Variants in NCKAP5 observed in about 807,000 individuals in gnomAD.
The protein encoded by NCKAP5 is NCK associated protein 5, also known as nck-associated protein 5.
In NCKAP5, 92 loss-of-function variants were observed where a neutral mutation model predicts 167.0. That is an observed-to-expected ratio of 0.55 (90% confidence interval 0.47 to 0.66). The LOEUF is 0.66. Ranked by LOEUF, NCKAP5 falls within the 30% of genes least tolerant of loss-of-function variation. The probability of loss-of-function intolerance (pLI) is 0.00; values close to 1 mark genes in which losing one functional copy is unlikely to be tolerated. For missense variants in NCKAP5, 2,378 were observed against 2,315.0 expected, an observed-to-expected ratio of 1.03 and a Z score of -0.56; for synonymous variants, 891 against 877.4, an observed-to-expected ratio of 1.02 and a Z score of -0.27.
chr2:133,565,286 G>T (rs1432305956), intron 1 of NCKAP5, among the ~76,000 whole-genome samples: 1 of 152,200 alleles, frequency 6.6e-6, no homozygotes, highest in African/African-American at 2.4e-5. Context: ...TCATGATTCA[G>T]TAAGTCTGGG....
chr2:133,136,965 T>C (rs937984507), intron 5 of NCKAP5, among the ~76,000 whole-genome samples: 1 of 152,210 alleles, frequency 6.6e-6, no homozygotes, highest in African/African-American at 2.4e-5. Flanking sequence ...CTGTGTTTTT[T>C]CTTCAGAAGT....
At chr2:133,411,952 T>C (rs1021762786) in intron 3 of NCKAP5, among the ~76,000 whole-genome samples, 1 of 152,206 alleles carries the variant, frequency 6.6e-6, no homozygotes, top group Non-Finnish European at 1.5e-5. Flanking sequence ...GGCTTCAAAC[T>C]AAGCTTCACT....
At chr2:133,033,110 T>TA (rs2149430332) in intron 6 of NCKAP5, among the ~76,000 whole-genome samples, 1 of 152,334 alleles carries the variant, frequency 6.6e-6, no homozygotes, top group African/African-American at 2.4e-5. Context: ...TGGTGGCCAC[T>TA]GAGGTGTGCT....
At chr2:132,934,199 C>A (rs150390767) in intron 8 of NCKAP5, among the ~76,000 whole-genome samples, 2 of 152,150 alleles carry the variant, frequency 1.3e-5, no homozygotes, top group African/African-American at 4.8e-5. Flanking sequence ...AAAATAGATA[C>A]GTGTGCAGCC....
intron 7 of NCKAP5, among the ~76,000 whole-genome samples, chr2:132,969,268 C>G (rs893038609): frequency 6.6e-6 from 1 of 152,080 alleles, no homozygotes; most frequent in Non-Finnish European, 1.5e-5. Context: ...TAACTCCTGA[C>G]CTCAGGTAAT....
chr2:133,567,147 C>T (rs1461283458), intron 1 of NCKAP5, among the ~76,000 whole-genome samples: 1 of 152,210 alleles, frequency 6.6e-6, no homozygotes, highest in Admixed American at 6.5e-5. Context: ...TCTTGCCAAT[C>T]CGTGCAGCGG....
intron 11 of NCKAP5, among the ~76,000 whole-genome samples, chr2:132,834,322 G>A (rs978413943): frequency 5.3e-5 from 8 of 151,946 alleles, no homozygotes; most frequent in Non-Finnish European, 7.4e-5. Flanking sequence ...TCAGCCTCCC[G>A]AGTAATTTTT....
rs751025050 is a variant in NCKAP5, at chr2:133,518,344, A to ATTTTTTTTTTTTTTTT, written c.-61-773_-61-758dup. Reference sequence around the variant, plus strand: ...TAAAAGAAATGGGTTACAGTAAAGGATTTTTTTTTTTTTTTTTTTTTTTTT... The same window carrying ATTTTTTTTTTTTTTTT: ...TAAAAGAAATGGGTTACAGTAAAGGATTTTTTTTTTTTTTTTTTTTTTTTTTTTTTTTTTTTTTTTT... On this transcript the variant is annotated intron_variant, in intron 2 of 19. Transcript: ENST00000409261. Among the ~76,000 whole-genome samples, 5 of 74,616 alleles carry ATTTTTTTTTTTTTTTT rather than the reference A, an allele frequency of 6.7e-5. 2 individuals are homozygous for ATTTTTTTTTTTTTTTT. Among genetic ancestry groups the ATTTTTTTTTTTTTTTT allele is most frequent in the African/African-American group, 2.4e-4 (5 of 20,910 alleles). 49.0% of individuals were successfully genotyped at this position (74,616 alleles called of 152,430 possible).
chr2:133,308,079 ATTTT>A (rs60111877), intron 3 of NCKAP5, among the ~76,000 whole-genome samples: 143 of 89,386 alleles, frequency 1.6e-3, no homozygotes, highest in Non-Finnish European at 1.9e-3. Context: ...TTATTGTTCT[ATTTT>A]TTTTTTTTTT....
intron 6 of NCKAP5, among the ~76,000 whole-genome samples, chr2:133,115,927 A>C (rs1354836518): frequency 6.6e-6 from 1 of 150,960 alleles, no homozygotes; most frequent in Admixed American, 6.6e-5. Flanking sequence ...CAAGATTGAA[A>C]TATTGAAAAT....
chr2:132,726,417 T>C (rs993755403), intron 18 of NCKAP5, among the ~76,000 whole-genome samples: 1 of 152,232 alleles, frequency 6.6e-6, no homozygotes, highest in Admixed American at 6.5e-5. Context: ...AATGATGCTG[T>C]ATTCAGAAAT....
intron 8 of NCKAP5, among the ~76,000 whole-genome samples, chr2:132,919,751 G>T (rs1036206896): frequency 6.6e-6 from 1 of 152,100 alleles, no homozygotes; most frequent in African/African-American, 2.4e-5. Flanking sequence ...ATCTCTAGAA[G>T]ATGACATCTA....
At chr2:132,985,606 G>T (rs1374355297) in intron 7 of NCKAP5, among the ~76,000 whole-genome samples, 1 of 152,152 alleles carries the variant, frequency 6.6e-6, no homozygotes, top group African/African-American at 2.4e-5. Flanking sequence ...ACACACTTTG[G>T]TTATGAGAAA....
chr2:133,040,388 G>A (rs772064548), intron 6 of NCKAP5, among the ~76,000 whole-genome samples: 26 of 152,012 alleles, frequency 1.7e-4, no homozygotes, highest in Admixed American at 2.6e-4. Flanking sequence ...ACACCATGAC[G>A]CAATTATCTG....
At chr2:133,643,937 C>T in the NCKAP5 span, among the ~76,000 whole-genome samples, 1 of 152,220 alleles carries the variant, frequency 6.6e-6, no homozygotes, top group Non-Finnish European at 1.5e-5. Flanking sequence ...ACCTCTTCAA[C>T]TCCAACTTGT....
chr2:132,924,179 A>G (rs1175060447), intron 8 of NCKAP5, among the ~76,000 whole-genome samples: 7 of 152,194 alleles, frequency 4.6e-5, no homozygotes, highest in Admixed American at 2.6e-4. Context: ...GCTACAGAAG[A>G]GACATTCTGC....
the NCKAP5 span, among the ~76,000 whole-genome samples, chr2:133,666,609 T>A: frequency 6.6e-6 from 1 of 152,092 alleles, no homozygotes; most frequent in Non-Finnish European, 1.5e-5. Flanking sequence ...TTTTATGTTT[T>A]ACCATTAAAA....
Position 132,940,810 on chromosome 2 carries a change from A to G in NCKAP5, c.579+22910T>C, listed in dbSNP as rs535419484. On this transcript the variant is annotated intron_variant, in intron 8 of 19. Coordinates refer to ENST00000409261, the MANE Select transcript of NCKAP5 (RefSeq NM_207363.3). Reference sequence around the variant, plus strand: ...CCCATAAAGAAAAAAAAAAGTTAACATTTTGCCATGGAAGAGAGGTGTTAA... The same window carrying G: ...CCCATAAAGAAAAAAAAAAGTTAACGTTTTGCCATGGAAGAGAGGTGTTAA... Among the ~76,000 whole-genome samples, 7 of 152,052 alleles carry G rather than the reference A, an allele frequency of 4.6e-5. No individual in the cohort carries two copies. In the South Asian group the frequency reaches 1.5e-3, roughly 32 times the overall value.
At chr2:133,188,075 T>C (rs1364190135) in intron 5 of NCKAP5, among the ~76,000 whole-genome samples, 2 of 152,090 alleles carry the variant, frequency 1.3e-5, no homozygotes, top group Non-Finnish European at 2.9e-5. Context: ...GCATCGATGG[T>C]CTTTACAATT....
Sources: allele counts gnomAD v4.1 joint callset (sites outside exome capture counted in the v4.1 genomes callset), GRCh38; gene constraint gnomAD v4.1.1; transcripts MANE v1.5; gene names NCBI Gene and HGNC (gene_info 2026-07-23, HGNC 2026-07-21).